The following EYS variants were observed in gnomAD, a reference collection of about 807,000 sequenced individuals.
EYS encodes protein eyes shut homolog.
Under a neutral mutation model 282.1 loss-of-function variants are expected in EYS, and 250 were observed. The ratio of observed to expected loss-of-function variants is 0.89; its 90% CI spans 0.80 to 0.98. The LOEUF is 0.98. Among genes scored for constraint, EYS ranks in the 50% least tolerant of loss-of-function variants. The probability of loss-of-function intolerance (pLI) is 0.00; values close to 1 mark genes in which losing one functional copy is unlikely to be tolerated. For missense variants in EYS, 4,016 were observed against 3,709.0 expected (o/e 1.08, Z -2.15); for synonymous variants, 1,355 against 1,282.9 (o/e 1.06, Z -1.20).
chr6:65,542,233 C>T (rs943602306), intron 2 of EYS, among the ~76,000 whole-genome samples: 1 of 151,814 alleles, frequency 6.6e-6, no homozygotes, highest in South Asian at 2.1e-4. Flanking sequence ...AAATACATTA[C>T]AAAAAATATT....
Position 64,091,961 on chromosome 6 carries a change from T to A in EYS, c.6425-9959A>T, listed in dbSNP as rs576800405. On this transcript the variant is annotated intron_variant, in intron 31 of 42. Transcript: ENST00000503581. Reference sequence around the variant, plus strand: ...CTCCCCTTCCTGTGTCCATGTGTTCTCATTGTTCAATTCCCACCTATGGGT... The same window carrying A: ...CTCCCCTTCCTGTGTCCATGTGTTCACATTGTTCAATTCCCACCTATGGGT... Among the ~76,000 whole-genome samples the A allele has an allele frequency of 2.6e-5, 4 of 152,320 alleles. No individual in the cohort carries two copies. The East Asian group carries it at 7.7e-4, about 29-fold the overall frequency.
At chr6:65,618,110 T>C (rs1335962167) in intron 2 of EYS, among the ~76,000 whole-genome samples, 1 of 152,160 alleles carries the variant, frequency 6.6e-6, no homozygotes, top group Admixed American at 6.5e-5. Context: ...TAGTTCTAGA[T>C]CCCTGAGGAA....
chr6:63,943,628 G>A (rs1054543298), intron 35 of EYS, among the ~76,000 whole-genome samples: 2 of 152,076 alleles, frequency 1.3e-5, no homozygotes, highest in African/African-American at 2.4e-5. Flanking sequence ...GACCAAAAAC[G>A]GTGTTTAGTT....
intron 15 of EYS, among the ~76,000 whole-genome samples, chr6:64,916,975 G>T (rs778012116): frequency 8.5e-5 from 13 of 152,204 alleles, no homozygotes; most frequent in Non-Finnish European, 1.9e-4. Flanking sequence ...ACTCATTAAG[G>T]TGCGTTGGCT....
chr6:64,259,045 A>G (rs1307911364), intron 30 of EYS, among the ~76,000 whole-genome samples: 1 of 152,094 alleles, frequency 6.6e-6, no homozygotes, highest in African/African-American at 2.4e-5. Flanking sequence ...TTCTAGCTAC[A>G]TGAAGTTATC....
chr6:65,215,454 T>C (rs1354121046), intron 12 of EYS, among the ~76,000 whole-genome samples: 1 of 152,214 alleles, frequency 6.6e-6, no homozygotes, highest in South Asian at 2.1e-4. Context: ...AAAACTTGTA[T>C]AGATAAGGAG....
At chr6:65,029,472 A>T (rs1245895654) in intron 13 of EYS, among the ~76,000 whole-genome samples, 1 of 152,146 alleles carries the variant, frequency 6.6e-6, no homozygotes, top group African/African-American at 2.4e-5. Context: ...CTTGAACAGC[A>T]TAGGTTTAAA....
chr6:64,608,721 C>T (rs1384126207), intron 24 of EYS, among the ~76,000 whole-genome samples: 5 of 152,110 alleles, frequency 3.3e-5, no homozygotes, highest in Non-Finnish European at 5.9e-5. Context: ...GAACATTATT[C>T]AGCCCTGACA....
At chr6:64,839,322 T>A (rs1477238761) in intron 19 of EYS, among the ~76,000 whole-genome samples, 1 of 152,046 alleles carries the variant, frequency 6.6e-6, no homozygotes, top group Non-Finnish European at 1.5e-5. Flanking sequence ...AGTTACATAA[T>A]AATTTTATTA....
intron 2 of EYS, among the ~76,000 whole-genome samples, chr6:65,613,340 A>C (rs1439978404): frequency 6.6e-6 from 1 of 151,854 alleles, no homozygotes; most frequent in African/African-American, 2.4e-5. Flanking sequence ...GACCTAGTTG[A>C]ATCCTTTCTA....
At chr6:65,374,171 T>C (rs996255564) in intron 8 of EYS, among the ~76,000 whole-genome samples, 1 of 152,120 alleles carries the variant, frequency 6.6e-6, no homozygotes, top group Non-Finnish European at 1.5e-5. Flanking sequence ...AATTTCTGTA[T>C]TTCCAACTGA....
intron 12 of EYS, among the ~76,000 whole-genome samples, chr6:65,237,330 T>G (rs775270099): frequency 1.3e-5 from 2 of 152,120 alleles, no homozygotes; most frequent in Non-Finnish European, 2.9e-5. Context: ...AACTACAAAG[T>G]ATAAGGAATG....
At chr6:64,625,945 A>G (rs1227595144) in intron 23 of EYS, among the ~76,000 whole-genome samples, 176 bp downstream of exon 23, 1 of 152,194 alleles carries the variant, frequency 6.6e-6, no homozygotes, top group Non-Finnish European at 1.5e-5. Context: ...AGTATCATAC[A>G]ACATTCATTT....
At chr6:65,306,360 C>T (rs1769003794) in intron 11 of EYS, among the ~76,000 whole-genome samples, 1 of 152,180 alleles carries the variant, frequency 6.6e-6, no homozygotes, top group Non-Finnish European at 1.5e-5. Flanking sequence ...GCAAAAATGA[C>T]TTGAAATTTA....
At chr6:64,393,998 G>C (rs1773261506) in intron 28 of EYS, among the ~76,000 whole-genome samples, 1 of 152,120 alleles carries the variant, frequency 6.6e-6, no homozygotes, top group South Asian at 2.1e-4. Flanking sequence ...ACAGCAAACA[G>C]AGAGCCAAAT....
chr6:65,374,754 T>G (rs1199099860), intron 8 of EYS, among the ~76,000 whole-genome samples: 1 of 151,862 alleles, frequency 6.6e-6, no homozygotes, highest in Non-Finnish European at 1.5e-5. Flanking sequence ...AGTAGGAGAG[T>G]TTCCCCTGAC....
intron 28 of EYS, among the ~76,000 whole-genome samples, chr6:64,431,245 G>A (rs1218786277): frequency 6.6e-6 from 1 of 151,988 alleles, no homozygotes; most frequent in Non-Finnish European, 1.5e-5. Flanking sequence ...TCTTCATGGT[G>A]TCTATCTTCT....
At chr6:64,780,785 C>CA (rs1392131319) in intron 22 of EYS, among the ~76,000 whole-genome samples, 1 of 151,950 alleles carries the variant, frequency 6.6e-6, no homozygotes, top group Non-Finnish European at 1.5e-5. Context: ...TAATTCTTGC[C>CA]AAAAATATTC....
intron 1 of EYS, among the ~76,000 whole-genome samples, chr6:65,640,379 T>C (rs1767234823): frequency 6.6e-6 from 1 of 151,898 alleles, no homozygotes; most frequent in Non-Finnish European, 1.5e-5. Context: ...CATGAGAGTA[T>C]CTCTAAATGA....
Sources: allele counts gnomAD v4.1 joint callset (sites outside exome capture counted in the v4.1 genomes callset), GRCh38; gene constraint gnomAD v4.1.1; transcripts MANE v1.5; gene names NCBI Gene and HGNC (gene_info 2026-07-23, HGNC 2026-07-21).